Variants in SUN3 observed in about 807,000 individuals in gnomAD.
SUN3 encodes the protein SUN domain-containing protein 3.
Under a neutral mutation model 48.2 loss-of-function variants are expected in SUN3, and 36 were observed. The ratio of observed to expected loss-of-function variants is 0.75; its 90% CI spans 0.57 to 0.99. The LOEUF (loss-of-function observed/expected upper bound fraction) is 0.99, where lower values mean the gene tolerates loss of function less well. SUN3 is among the 50% of genes least tolerant of loss of function. SUN3 has a pLI of 0.00. For synonymous variants in SUN3, 148 were observed against 147.9 expected, an observed-to-expected ratio of 1.00 and a Z score of 0.00; for missense variants, 419 against 433.1, an observed-to-expected ratio of 0.97 and a Z score of 0.29.
intron 3 of SUN3, among the ~76,000 whole-genome samples, chr7:48,010,917 C>T (rs1789665427): frequency 6.6e-6 from 1 of 152,182 alleles, no homozygotes; most frequent in East Asian, 1.9e-4. Flanking sequence ...CTTGCCTTTT[C>T]TAACTTCTGG....
intron 2 of SUN3, among the ~76,000 whole-genome samples, chr7:48,024,269 GAGA>G (rs1790076035): frequency 6.6e-6 from 1 of 152,090 alleles, no homozygotes; most frequent in Non-Finnish European, 1.5e-5. Flanking sequence ...TGATATATCT[GAGA>G]AGGATTTGGT....
At chr7:48,034,098 G>A (rs940002355), upstream of SUN3, among the ~76,000 whole-genome samples, 24 of 152,120 alleles carry the variant, frequency 1.6e-4, 1 homozygote, top group African/African-American at 4.1e-4. Flanking sequence ...ATACAATCCC[G>A]TAGCTAGAGG....
intron 8 of SUN3, chr7:47,991,156 A>T: frequency 2.4e-6 from 1 of 413,914 alleles, no homozygotes; most frequent in Non-Finnish European, 4.7e-6. Flanking sequence ...GGCTCCAGTG[A>T]TCCTCCTGCT....
At chr7:48,034,718 C>G in the SUN3 span, among the ~76,000 whole-genome samples, 1 of 152,170 alleles carries the variant, frequency 6.6e-6, no homozygotes, top group Non-Finnish European at 1.5e-5. Context: ...TCCCATGAAG[C>G]ACCATTGGTA....
chr7:47,992,132 G>C (rs936043636), intron 8 of SUN3, among the ~76,000 whole-genome samples: 4 of 152,156 alleles, frequency 2.6e-5, no homozygotes, highest in Admixed American at 1.3e-4. Context: ...GGCCCGACCA[G>C]ATGATTCCCG....
chr7:48,016,780 C>T (rs542971058), intron 3 of SUN3, among the ~76,000 whole-genome samples: 3 of 152,256 alleles, frequency 2.0e-5, no homozygotes, highest in Admixed American at 6.5e-5. Context: ...TAACAGAATA[C>T]CACAGCCTGG....
chr7:48,026,362 C>T (rs940674837), intron 1 of SUN3, among the ~76,000 whole-genome samples: 1 of 152,030 alleles, frequency 6.6e-6, no homozygotes, highest in Non-Finnish European at 1.5e-5. Flanking sequence ...AGAACTATGA[C>T]AGTTAAGAAA....
At chr7:47,995,834 A>T (rs749275345) in intron 7 of SUN3, among the ~76,000 whole-genome samples, 197 bp downstream of exon 7, 35 of 152,238 alleles carry the variant, frequency 2.3e-4, no homozygotes, top group Non-Finnish European at 1.6e-4. Context: ...TAAATAATTA[A>T]TCATAGTTTA....
intron 3 of SUN3, among the ~76,000 whole-genome samples, chr7:48,012,206 A>G (rs1468413926): frequency 6.6e-6 from 1 of 152,220 alleles, no homozygotes; most frequent in Non-Finnish European, 1.5e-5. Context: ...TTAAGAGGAC[A>G]CAGCCTCCAG....
chr7:48,017,446 C>G (rs1397850670), intron 2 of SUN3, 81 bp from the exon 3 acceptor site: 2 of 796,316 alleles, frequency 2.5e-6, no homozygotes, highest in East Asian at 2.7e-5. Flanking sequence ...AAGAATTTCC[C>G]TAAACATGAA....
chr7:47,990,010 C>T (rs535520982), intron 8 of SUN3, among the ~76,000 whole-genome samples: 126 of 152,268 alleles, frequency 8.3e-4, no homozygotes, highest in Non-Finnish European at 1.6e-3. Context: ...AGGTATTGTC[C>T]AAGGTTTCTC....
At chr7:48,000,720 C>G (rs778111740) in intron 6 of SUN3, among the ~76,000 whole-genome samples, 1 of 143,754 alleles carries the variant, frequency 7.0e-6, no homozygotes, top group African/African-American at 2.6e-5. Flanking sequence ...GGTAAGAAAT[C>G]TGTAATAATG....
At chr7:47,992,549 G>T (rs1486752222) in intron 8 of SUN3, among the ~76,000 whole-genome samples, 3 of 152,096 alleles carry the variant, frequency 2.0e-5, no homozygotes, top group Non-Finnish European at 4.4e-5. Context: ...AAAAGGGAAA[G>T]AAGAAACACT....
At chr7:48,005,636 G>A (rs1421862261) in intron 6 of SUN3, among the ~76,000 whole-genome samples, 3 of 151,834 alleles carry the variant, frequency 2.0e-5, no homozygotes, top group Middle Eastern at 3.4e-3. Context: ...CATTTAGATT[G>A]GTGATCATAA....
At chr7:47,992,604 C>T (rs1393773067) in intron 8 of SUN3, among the ~76,000 whole-genome samples, 4 of 151,718 alleles carry the variant, frequency 2.6e-5, no homozygotes, top group African/African-American at 9.7e-5. Flanking sequence ...CCTCAGGATG[C>T]ATGAGTGAAA....
intron 3 of SUN3, among the ~76,000 whole-genome samples, chr7:48,010,106 C>G (rs146391729): frequency 4.4e-4 from 67 of 152,280 alleles, no homozygotes; most frequent in African/African-American, 1.3e-3. Context: ...CACACAAACA[C>G]ACACACTCCA....
chr7:47,999,666 T>C lies in SUN3; in HGVS notation c.578-3520A>G, dbSNP rs145458124. The stretch of plus-strand genomic sequence containing the variant: ...GATTCTCCTGCCTCAGCCTCCTGAG[T>C]AGCAGGATTACAGGCGTGCGCCACC... On this transcript the variant is annotated intron_variant, in intron 6 of 9. Coordinates refer to ENST00000297325, the MANE Select transcript of SUN3 (RefSeq NM_001030019.2). Among the ~76,000 whole-genome samples the C allele has an allele frequency of 1.4e-4, 22 of 152,280 alleles. No individual in the cohort carries two copies. In the East Asian group the frequency reaches 4.3e-3, roughly 29 times the overall value.
At chr7:48,005,857 C>T in intron 6 of SUN3, 112 bp downstream of exon 6, 1 of 545,760 alleles carries the variant, frequency 1.8e-6, no homozygotes, top group Non-Finnish European at 3.2e-6. Flanking sequence ...ATTTCCCCCC[C>T]CCAAGTTACC....
chr7:47,998,070 A>G (rs1190247244), intron 6 of SUN3, among the ~76,000 whole-genome samples: 3 of 152,218 alleles, frequency 2.0e-5, no homozygotes, highest in African/African-American at 7.2e-5. Flanking sequence ...ACATGTTTCA[A>G]TTTATCTTAG....
Sources: allele counts gnomAD v4.1 joint callset (sites outside exome capture counted in the v4.1 genomes callset), GRCh38; gene constraint gnomAD v4.1.1; transcripts MANE v1.5; gene names NCBI Gene and HGNC (gene_info 2026-07-23, HGNC 2026-07-21).